PPP6R2: variants seen among roughly 807,000 people sequenced by gnomAD.
PPP6R2 encodes the protein serine/threonine-protein phosphatase 6 regulatory subunit 2.
A neutral mutation model predicts 100.2 loss-of-function variants in PPP6R2; 62 were observed. The observed-to-expected ratio is 0.62, with a 90% CI of 0.50 to 0.76. The LOEUF (loss-of-function observed/expected upper bound fraction) is 0.76. Among genes scored for constraint, PPP6R2 ranks in the 30% least tolerant of loss-of-function variants. PPP6R2 has a pLI of 0.00. For missense variants in PPP6R2, 1,142 were observed against 1,276.3 expected, an observed-to-expected ratio of 0.89 and a Z score of 1.60; for synonymous variants, 525 against 514.7, an observed-to-expected ratio of 1.02 and a Z score of -0.27.
At chr22:50,351,627 G>T (rs2045285776) in intron 1 of PPP6R2, among the ~76,000 whole-genome samples, 1 of 151,746 alleles carries the variant, frequency 6.6e-6, no homozygotes, top group Non-Finnish European at 1.5e-5. Flanking sequence ...TTGCTGTTTT[G>T]TTTTTGTTTT....
chr22:50,412,186 T>G (rs1007094985), intron 4 of PPP6R2, among the ~76,000 whole-genome samples: 2 of 151,896 alleles, frequency 1.3e-5, no homozygotes, highest in African/African-American at 2.4e-5. Context: ...TCAAAAAAAA[T>G]AGAGGTTATT....
At chr22:50,396,514 C>T (rs2056922712) in intron 3 of PPP6R2, among the ~76,000 whole-genome samples, 1 of 148,218 alleles carries the variant, frequency 6.7e-6, no homozygotes, top group African/African-American at 2.5e-5. Context: ...AAAAAAAAAT[C>T]AAAGGAAGAA....
At chr22:50,331,451 C>A in the PPP6R2 span, among the ~76,000 whole-genome samples, 1 of 152,124 alleles carries the variant, frequency 6.6e-6, no homozygotes, top group Non-Finnish European at 1.5e-5. Flanking sequence ...TCCTCCCCAA[C>A]GCTTAGTATT....
chr22:50,352,745 A>AC (rs200779446), intron 1 of PPP6R2, among the ~76,000 whole-genome samples: 28,711 of 143,360 alleles, frequency 0.2, 4,563 homozygotes, highest in African/African-American at 0.44. Context: ...AAAAACAAAA[A>AC]AAAAAAACAC....
chr22:50,430,702 C>T (rs550941880), intron 10 of PPP6R2, among the ~76,000 whole-genome samples: 1 of 152,038 alleles, frequency 6.6e-6, no homozygotes, highest in African/African-American at 2.4e-5. Context: ...GGCAAAATCC[C>T]GTCTCTACTA....
chr22:50,383,349 T>C (rs1212538824), intron 2 of PPP6R2, among the ~76,000 whole-genome samples: 1 of 152,222 alleles, frequency 6.6e-6, no homozygotes, highest in Non-Finnish European at 1.5e-5. Flanking sequence ...CGAGTCCTTT[T>C]GGAAGTCTTA....
chr22:50,375,832 ATTTTT>A lies in PPP6R2; in HGVS notation c.-17+3704_-17+3708del, dbSNP rs557118142. ...CCTAAGATACAAAGAATCCCTGCAG[ATTTTT>A]TTTTTTTTTTTTTTTTTTTTTGAGA... On this transcript the variant is annotated intron_variant, in intron 2 of 23. Transcript: ENST00000612753. Among the ~76,000 whole-genome samples, 629 of 64,524 alleles carry A rather than the reference ATTTTT, an allele frequency of 9.7e-3. 15 individuals are homozygous for A. Among genetic ancestry groups the A allele is most frequent in the African/African-American group, 0.049 (587 of 11,984 alleles). The allele number at this position is 64,524 out of a possible 152,430, so 42.3% of individuals were successfully genotyped here.
chr22:50,380,558 A>G (rs1317409758), intron 2 of PPP6R2, among the ~76,000 whole-genome samples: 1 of 150,220 alleles, frequency 6.7e-6, no homozygotes, highest in Non-Finnish European at 1.5e-5. Context: ...ACGGGGTTTC[A>G]CTACGTTGGC....
At chr22:50,349,768 T>C (rs979792039) in intron 1 of PPP6R2, among the ~76,000 whole-genome samples, 7 of 144,822 alleles carry the variant, frequency 4.8e-5, no homozygotes, top group African/African-American at 1.8e-4. Context: ...TGAGCCAAGA[T>C]CACAACATTG....
rs542245486 is a variant in PPP6R2 at position 50,444,626 on chromosome 22, T to G, written c.*379T>G. The G allele has an allele frequency of 9.9e-4, 234 of 235,806 alleles. 2 individuals carry two copies. The highest frequency in any genetic ancestry group is 1.6e-3 in the South Asian group (23 of 14,586). 14.6% of individuals were successfully genotyped at this position (235,806 alleles called of 1,614,324 possible). ...TGGAGGCTGTTTTTACAGTTTTTTT[T>G]TTGTTGTTGTTTTGTTTTTAAAGAA... is the stretch of plus-strand genomic sequence containing the variant. On this transcript the variant is annotated 3_prime_UTR_variant, in exon 24 of 24. Coordinates refer to ENST00000612753, the MANE Select transcript of PPP6R2 (RefSeq NM_001242898.2).
At chr22:50,333,602 G>A in the PPP6R2 span, among the ~76,000 whole-genome samples, 1 of 152,146 alleles carries the variant, frequency 6.6e-6, no homozygotes, top group African/African-American at 2.4e-5. Flanking sequence ...AAAGTGCTGG[G>A]ATTACAGTCA....
At chr22:50,346,324 T>G (rs2043684669) in intron 1 of PPP6R2, among the ~76,000 whole-genome samples, 1 of 19,052 alleles carries the variant, frequency 5.2e-5, no homozygotes, top group Non-Finnish European at 9.2e-5. Context: ...CCTCAGTCAG[T>G]GCCCCCCCAG....
chr22:50,425,645 C>T (rs1230769197), intron 10 of PPP6R2, among the ~76,000 whole-genome samples: 1 of 152,280 alleles, frequency 6.6e-6, no homozygotes, highest in Middle Eastern at 3.4e-3. Flanking sequence ...TCTCCTCATC[C>T]TCCCCCTCAT....
At position 50,397,854 on chromosome 22, in the gene PPP6R2, T is replaced by C. The variant is rs12485078; in HGVS notation, c.227+3719T>C. Among the ~76,000 whole-genome samples the C allele has an allele frequency of 3.3e-3, 230 of 69,796 alleles. 1 individual carries two copies. Among genetic ancestry groups the C allele is most frequent in the African/African-American group, 7.6e-3 (128 of 16,916 alleles). The allele number at this position is 69,796 out of a possible 152,430, so 45.8% of individuals were successfully genotyped here. On this transcript the variant is annotated intron_variant, in intron 3 of 23. Coordinates refer to ENST00000612753, the MANE Select transcript of PPP6R2 (RefSeq NM_001242898.2). ...GGCAGGGGGCCTGTCCTCACCAGCC[T>C]TGTCATCTCTGAGCTTTTCTCTGAG...
chr22:50,436,651 C>A (rs1252319370), intron 14 of PPP6R2, among the ~76,000 whole-genome samples, 199 bp downstream of exon 14: 1 of 152,260 alleles, frequency 6.6e-6, no homozygotes, highest in Non-Finnish European at 1.5e-5. Flanking sequence ...CTGTGCCACA[C>A]CCAGGGCTGG....
intron 3 of PPP6R2, among the ~76,000 whole-genome samples, chr22:50,406,152 G>T (rs1190841472): frequency 1.6e-5 from 2 of 126,956 alleles, no homozygotes; most frequent in African/African-American, 6.2e-5. Context: ...GAGGCGAGAG[G>T]CCTGGAGAGA....
intron 18 of PPP6R2, 25 bp from the exon 19 acceptor site, chr22:50,438,574 A>T (rs2064904477): frequency 6.2e-7 from 1 of 1,612,444 alleles, no homozygotes; most frequent in African/African-American, 1.3e-5. Flanking sequence ...GGGCCACCAG[A>T]CATCTGACTC....
chr22:50,400,841 C>A (rs904099205), intron 3 of PPP6R2, among the ~76,000 whole-genome samples: 1 of 152,154 alleles, frequency 6.6e-6, no homozygotes, highest in Non-Finnish European at 1.5e-5. Context: ...TTAGTCTGTA[C>A]ATTTGTGACA....
At chr22:50,375,483 C>T (rs1167883605) in intron 2 of PPP6R2, among the ~76,000 whole-genome samples, 1 of 152,092 alleles carries the variant, frequency 6.6e-6, no homozygotes, top group Non-Finnish European at 1.5e-5. Flanking sequence ...AGGTAAATAG[C>T]CTAAAGGAGA....
Sources: allele counts gnomAD v4.1 joint callset (sites outside exome capture counted in the v4.1 genomes callset), GRCh38; gene constraint gnomAD v4.1.1; transcripts MANE v1.5; gene names NCBI Gene and HGNC (gene_info 2026-07-23, HGNC 2026-07-21).